HSP90AA1: variants seen among roughly 807,000 people sequenced by gnomAD.
HSP90AA1 encodes heat shock protein 90 alpha family class A member 1.
HSP90AA1 carries 18 observed loss-of-function variants against 73.3 expected under a neutral mutation model. The observed-to-expected ratio is 0.25, with a 90% CI of 0.17 to 0.36. The LOEUF (loss-of-function observed/expected upper bound fraction) is 0.36, where lower values mean the gene tolerates loss of function less well. Among genes scored for constraint, HSP90AA1 ranks in the 10% least tolerant of loss-of-function variants. HSP90AA1 has a pLI of 1.00. For missense variants in HSP90AA1, 704 were observed against 874.2 expected (o/e 0.81, Z 2.45); for synonymous variants, 477 against 296.9 (o/e 1.61, Z -6.24).
In HSP90AA1 at chr14:102,081,266, G is replaced by A. The variant is rs1273600149; in HGVS notation, c.*446C>T. The A allele has an allele frequency of 2.2e-5, 6 of 269,314 alleles. No individual in the cohort carries two copies. The East Asian group carries it at 2.8e-4, about 13-fold the overall frequency. The allele number at this position is 269,314 out of a possible 1,614,324, so 16.7% of individuals were successfully genotyped here. The stretch of plus-strand genomic sequence containing the variant: ...TGCTTCAGTTTAACCTATTTCTAGA[G>A]GACTAGTACATGCAGAATTGTCAAC... On this transcript the variant is annotated 3_prime_UTR_variant, in exon 11 of 11. Transcript: ENST00000216281.
Position 102,085,443 on chromosome 14 carries a change from GA to G in HSP90AA1, c.530-13del. The stretch of plus-strand genomic sequence containing the variant: ...ACCCATAGGTTCACCTGCAAGAGAA[GA>G]AAGAAAAATTGACTTAATACATTCA... On this transcript the variant is annotated splice_polypyrimidine_tract_variant and intron_variant, in intron 3 of 10. Coordinates refer to ENST00000216281, the MANE Select transcript of HSP90AA1 (RefSeq NM_005348.4). 6.5e-7 allele frequency: 1 copy of G among 1,534,750 alleles called. No homozygotes were observed. Among genetic ancestry groups the G allele is most frequent in the East Asian group, 2.4e-5 (1 of 41,846 alleles).
At chr14:102,106,298 A>G (rs2049566736) in intron 1 of HSP90AA1, among the ~76,000 whole-genome samples, 1 of 152,160 alleles carries the variant, frequency 6.6e-6, no homozygotes. Context: ...CACTATTTTC[A>G]TAACAATGGA....
At chr14:102,097,241 C>T (rs1428922968) in intron 2 of HSP90AA1, among the ~76,000 whole-genome samples, 1 of 151,852 alleles carries the variant, frequency 6.6e-6, no homozygotes, top group South Asian at 2.1e-4. Context: ...CCCCCTTGGC[C>T]TCCCAAAGTG....
At chr14:102,136,775 C>A (rs1183739353) in intron 1 of HSP90AA1, among the ~76,000 whole-genome samples, 1 of 150,512 alleles carries the variant, frequency 6.6e-6, no homozygotes, top group Non-Finnish European at 1.5e-5. Context: ...TTAATCCCAG[C>A]TATTTGGGAG....
At chr14:102,115,136 GA>G (rs71116882) in intron 1 of HSP90AA1, among the ~76,000 whole-genome samples, 19 of 145,348 alleles carry the variant, frequency 1.3e-4, no homozygotes, top group African/African-American at 3.1e-4. Flanking sequence ...CACAGAGCAA[GA>G]AAAAAAAAAA....
upstream of HSP90AA1, chr14:102,087,086 G>A (rs2049262512): frequency 3.1e-6 from 3 of 983,566 alleles, no homozygotes; most frequent in African/African-American, 3.5e-5. Flanking sequence ...CGACGGGCCC[G>A]CCCAGCGCGC....
chr14:102,122,587 G>A (rs1158369085), intron 1 of HSP90AA1, among the ~76,000 whole-genome samples: 2 of 150,168 alleles, frequency 1.3e-5, no homozygotes, highest in African/African-American at 4.9e-5. Context: ...AGCTTAAGAG[G>A]TTTTATAATA....
intron 1 of HSP90AA1, among the ~76,000 whole-genome samples, chr14:102,111,620 C>T (rs1301956805): frequency 6.6e-6 from 1 of 152,222 alleles, no homozygotes; most frequent in Non-Finnish European, 1.5e-5. Context: ...AATTGAAACC[C>T]TGCATGTCCC....
Position 102,083,913 on chromosome 14 carries a change from G to A in HSP90AA1, c.1218C>T (p.Ser406=). The A allele has an allele frequency of 6.2e-7, 1 of 1,613,836 alleles. No individual in the cohort carries two copies. The highest frequency in any genetic ancestry group is 8.5e-7 in the Non-Finnish European group (1 of 1,179,866). ...LNISREMLQQ[S]KILKVIRKNL... is the part of the protein sequence containing the mutation. ...TCTTCCTGATAACTTTCAAAATTTT[G>A]CTTTGTTGCAACATCTCACGGGATA... Residue 406 remains serine (S), a synonymous_variant, in exon 7 of 11, where the codon AGC becomes AGT. Coordinates refer to ENST00000216281, the MANE Select transcript of HSP90AA1 (RefSeq NM_005348.4).
rs903132894 is a variant in HSP90AA1, at chr14:102,081,628, A to G, written c.*84T>C. ...GCCATACAGACTTTTTAATATTAAC[A>G]AAAATAAAGAAAAACATCCTTGAAA... On this transcript the variant is annotated 3_prime_UTR_variant, in exon 11 of 11. Transcript: ENST00000216281. The G allele has an allele frequency of 1.9e-5, 15 of 787,620 alleles. No individual in the cohort carries two copies. In the African/African-American group the frequency reaches 2.2e-4, roughly 12 times the overall value. 48.8% of individuals were successfully genotyped at this position (787,620 alleles called of 1,614,324 possible). A position where few individuals can be genotyped will look rare whatever the true frequency, so the allele number is the denominator to read the frequency against.
At chr14:102,110,726 C>T (rs2049631298) in intron 1 of HSP90AA1, among the ~76,000 whole-genome samples, 2 of 152,072 alleles carry the variant, frequency 1.3e-5, no homozygotes, top group South Asian at 2.1e-4. Flanking sequence ...ACTACAGGTG[C>T]CCCCCACCAC....
In HSP90AA1 at chr14:102,121,961, G is replaced by C. The variant is rs559446562; in HGVS notation, c.155+17289C>G. Among the ~76,000 whole-genome samples, 75 of 152,216 alleles carry C rather than the reference G, an allele frequency of 4.9e-4. No homozygotes were observed. The Middle Eastern group carries it at 0.014, about 28-fold the overall frequency. On this transcript the variant is annotated intron_variant, in intron 1 of 11. Coordinates refer to the HSP90AA1 transcript ENST00000334701. ...TCATATGGTGTCTTGTGCCATGCAA[G>C]ACATAAAATAAAAATATCCTATGGC...
At chr14:102,098,230 C>G (rs1314671113) in intron 2 of HSP90AA1, among the ~76,000 whole-genome samples, 1 of 151,812 alleles carries the variant, frequency 6.6e-6, no homozygotes, top group African/African-American at 2.4e-5. Context: ...GGCCTGATCT[C>G]GGCTCACTAC....
At chr14:102,099,870 C>T (rs115553092) in intron 2 of HSP90AA1, among the ~76,000 whole-genome samples, 46 of 152,242 alleles carry the variant, frequency 3.0e-4, no homozygotes, top group African/African-American at 1.1e-3. Flanking sequence ...CTTCTAAATT[C>T]TGTTTTAAAA....
intron 1 of HSP90AA1, among the ~76,000 whole-genome samples, chr14:102,120,817 A>G (rs2049767164): frequency 1.3e-5 from 2 of 151,388 alleles, no homozygotes; most frequent in Non-Finnish European, 2.9e-5. Flanking sequence ...GGGCGCCTAT[A>G]ATCCCAGCTA....
At chr14:102,133,234 C>T (rs1241656887) in intron 1 of HSP90AA1, among the ~76,000 whole-genome samples, 10 of 149,450 alleles carry the variant, frequency 6.7e-5, no homozygotes, top group Middle Eastern at 3.8e-3. Context: ...GAGCTGAGAT[C>T]ATGCCATTGC....
In HSP90AA1 at chr14:102,081,103, A is replaced by C. The variant is rs2049087519; in HGVS notation, c.*609T>G. 1 of 229,786 alleles carries C rather than the reference A, an allele frequency of 4.4e-6. No individual in the cohort carries two copies. Among genetic ancestry groups the C allele is most frequent in the African/African-American group, 2.2e-5 (1 of 44,988 alleles). 14.2% of individuals were successfully genotyped at this position (229,786 alleles called of 1,614,324 possible). A position where few individuals can be genotyped will look rare whatever the true frequency, so the allele number is the denominator to read the frequency against. ...TTAAGCAGAATGTGACTCGAGCACT[A>C]CATTTCCATCCACAAGACTGGGTCT... On this transcript the variant is annotated 3_prime_UTR_variant, in exon 11 of 11. Coordinates refer to ENST00000216281, the MANE Select transcript of HSP90AA1 (RefSeq NM_005348.4).
Position 102,125,413 on chromosome 14 carries a change from T to C in HSP90AA1, c.155+13837A>G, listed in dbSNP as rs571085333. 3.3e-5 allele frequency among the ~76,000 whole-genome samples: 5 copies of C among 152,320 alleles called. No individual in the cohort carries two copies. The East Asian group carries it at 7.7e-4, about 24-fold the overall frequency. ...AATATTCTATCCTACTAAACTGAAA[T>C]GTGACCATATGCAAAAATTATTCTC... is the stretch of plus-strand genomic sequence containing the variant. On this transcript the variant is annotated intron_variant, in intron 1 of 11. Transcript: ENST00000334701.
intron 1 of HSP90AA1, among the ~76,000 whole-genome samples, chr14:102,131,122 C>G (rs2049902674): frequency 6.6e-6 from 1 of 152,214 alleles, no homozygotes; most frequent in Admixed American, 6.5e-5. Context: ...TCTGGACATT[C>G]CCTGTGAATG....
Sources: gnomAD v4.1 joint callset for allele counts (sites outside exome capture counted in the v4.1 genomes callset) on GRCh38, gnomAD v4.1.1 for gene constraint, MANE v1.5 for transcripts, NCBI Gene and HGNC (gene_info 2026-07-23, HGNC 2026-07-21) for gene names.